Variants in UPP2 observed in about 807,000 individuals in gnomAD.
UPP2 encodes the protein uridine phosphorylase 2.
UPP2 carries 23 observed loss-of-function variants against 26.7 expected under a neutral mutation model. That is an observed-to-expected ratio of 0.86 (90% CI 0.62 to 1.22). The LOEUF is 1.22. UPP2 is among the 50% of genes most tolerant of loss of function. The pLI is 0.00. For missense variants in UPP2, 387 were observed against 396.7 expected, an observed-to-expected ratio of 0.98 and a Z score of 0.21; for synonymous variants, 127 against 141.3, an observed-to-expected ratio of 0.90 and a Z score of 0.72.
At chr2:158,128,937 T>C (rs1041187254) in intron 6 of UPP2, among the ~76,000 whole-genome samples, 4 of 152,120 alleles carry the variant, frequency 2.6e-5, no homozygotes, top group Non-Finnish European at 5.9e-5. Context: ...AAATCAGTCA[T>C]TGTAGCTGGA....
chr2:158,128,484 C>A (rs569857779), intron 6 of UPP2, among the ~76,000 whole-genome samples: 8 of 152,294 alleles, frequency 5.3e-5, no homozygotes, highest in African/African-American at 1.9e-4. Flanking sequence ...TTTGAAAAAT[C>A]TTTAGGCCAG....
At chr2:158,010,757 CT>C (rs1296891064) in intron 2 of UPP2, among the ~76,000 whole-genome samples, 3 of 75,012 alleles carry the variant, frequency 4.0e-5, no homozygotes, top group African/African-American at 1.1e-4. Context: ...TTAGCTCCCT[CT>C]TTTTCTTTTT....
At chr2:158,109,559 T>C (rs1249514924) in intron 2 of UPP2, among the ~76,000 whole-genome samples, 1 of 152,104 alleles carries the variant, frequency 6.6e-6, no homozygotes, top group Non-Finnish European at 1.5e-5. Flanking sequence ...ATATGTAGGG[T>C]CACCAATACA....
chr2:158,090,359 G>A (rs1682890535), intron 3 of UPP2, among the ~76,000 whole-genome samples: 1 of 152,124 alleles, frequency 6.6e-6, no homozygotes, highest in African/African-American at 2.4e-5. Context: ...AAATTAGCCA[G>A]GCGTGGTGGT....
intron 3 of UPP2, among the ~76,000 whole-genome samples, chr2:158,053,507 T>C (rs1682191936): frequency 6.6e-6 from 1 of 152,302 alleles, no homozygotes; most frequent in South Asian, 2.1e-4. Context: ...TGCTTGTATC[T>C]TGTACAGGCC....
At chr2:158,005,242 C>A (rs1048716546) in intron 2 of UPP2, among the ~76,000 whole-genome samples, 1 of 152,192 alleles carries the variant, frequency 6.6e-6, no homozygotes, top group East Asian at 1.9e-4. Context: ...TTCCAGGCAG[C>A]TTTTTCCAGA....
chr2:158,117,745 T>C (rs1683471436), intron 3 of UPP2, 79 bp from the exon 4 acceptor site: 1 of 1,133,318 alleles, frequency 8.8e-7, no homozygotes, highest in Non-Finnish European at 1.3e-6. Flanking sequence ...GCCTGTTAAC[T>C]TGTAATGATG....
chr2:158,018,705 T>C (rs935451265), intron 3 of UPP2, among the ~76,000 whole-genome samples: 1 of 152,200 alleles, frequency 6.6e-6, no homozygotes, highest in Non-Finnish European at 1.5e-5. Flanking sequence ...CTAGGTAAAC[T>C]TTTAGTGGGA....
At chr2:158,129,576 T>C (rs1283293058) in intron 6 of UPP2, among the ~76,000 whole-genome samples, 1 of 151,946 alleles carries the variant, frequency 6.6e-6, no homozygotes, top group Admixed American at 6.6e-5. Context: ...ATCACCACTC[T>C]CTCCACTATT....
chr2:158,129,567 T>C (rs1377014038), intron 6 of UPP2, among the ~76,000 whole-genome samples: 2 of 152,014 alleles, frequency 1.3e-5, no homozygotes, highest in African/African-American at 2.4e-5. Flanking sequence ...TGTCTCCTGA[T>C]CACCACTCTC....
At chr2:158,070,991 G>C (rs1184795851) in intron 3 of UPP2, among the ~76,000 whole-genome samples, 1 of 152,210 alleles carries the variant, frequency 6.6e-6, no homozygotes, top group East Asian at 1.9e-4. Flanking sequence ...ATCAGCCTTA[G>C]CCGGAGGGGG....
At chr2:158,090,917 C>A (rs777398363) in intron 3 of UPP2, among the ~76,000 whole-genome samples, 10 of 152,128 alleles carry the variant, frequency 6.6e-5, no homozygotes, top group Non-Finnish European at 1.2e-4. Flanking sequence ...ACCGTTGAAC[C>A]TGAAACTTCT....
intron 3 of UPP2, among the ~76,000 whole-genome samples, chr2:158,072,074 G>T (rs1682551683): frequency 1.3e-5 from 2 of 152,168 alleles, no homozygotes; most frequent in South Asian, 4.1e-4. Flanking sequence ...TTCTGGACCT[G>T]CCCTGGGCCA....
chr2:158,053,400 A>G (rs1682190459), intron 3 of UPP2, among the ~76,000 whole-genome samples: 1 of 152,196 alleles, frequency 6.6e-6, no homozygotes, highest in Non-Finnish European at 1.5e-5. Flanking sequence ...TTAGATAAGG[A>G]AACTGAAATT....
chr2:158,076,497 G>T (rs1408500949), intron 3 of UPP2, among the ~76,000 whole-genome samples: 2 of 152,026 alleles, frequency 1.3e-5, no homozygotes, highest in Non-Finnish European at 2.9e-5. Flanking sequence ...TTACCATAGG[G>T]ATGCAAGGAT....
chr2:158,115,046 C>T lies in UPP2; in HGVS notation c.181-55C>T, dbSNP rs1370591873. 6.0e-6 allele frequency: 9 copies of T among 1,497,726 alleles called. No homozygotes were observed. In the Admixed American group the frequency reaches 2.0e-4, roughly 33 times the overall value. 92.8% of individuals were successfully genotyped at this position (1,497,726 alleles called of 1,614,324 possible). A position where few individuals can be genotyped will look rare whatever the true frequency, so the allele number is the denominator to read the frequency against. ...ATAAAAACATTAGAGTTGAAACTGACCCGTGGTTCTTATCCCAGTTACTAT... is the reference window on the plus strand; with the variant it reads ...ATAAAAACATTAGAGTTGAAACTGATCCGTGGTTCTTATCCCAGTTACTAT... On this transcript the variant is annotated intron_variant, in intron 2 of 6. Transcript: ENST00000005756.
At chr2:158,001,086 A>G (rs1683397845) in intron 2 of UPP2, among the ~76,000 whole-genome samples, 1 of 152,092 alleles carries the variant, frequency 6.6e-6, no homozygotes, top group Non-Finnish European at 1.5e-5. Flanking sequence ...TTGAATTCCT[A>G]CCATGGGCCT....
intron 3 of UPP2, among the ~76,000 whole-genome samples, chr2:158,091,614 A>G (rs1302953061): frequency 1.3e-5 from 2 of 152,098 alleles, no homozygotes; most frequent in Admixed American, 1.3e-4. Flanking sequence ...TTTCCTACTC[A>G]TGTGCCTGGG....
chr2:158,008,361 G>A (rs72934793), intron 2 of UPP2, among the ~76,000 whole-genome samples: 327 of 152,246 alleles, frequency 2.1e-3, no homozygotes, highest in Non-Finnish European at 3.7e-3. Flanking sequence ...TACTGTATTT[G>A]ATTATTTTGT....
Sources: allele counts gnomAD v4.1 joint callset (sites outside exome capture counted in the v4.1 genomes callset), GRCh38; gene constraint gnomAD v4.1.1; transcripts MANE v1.5; gene names NCBI Gene and HGNC (gene_info 2026-07-23, HGNC 2026-07-21).